The following CDH12 variants were observed in gnomAD, a reference collection of about 807,000 sequenced individuals.
CDH12 encodes cadherin 12.
Under a neutral mutation model 74.1 loss-of-function variants are expected in CDH12, and 41 were observed. The ratio of observed to expected loss-of-function variants is 0.55; its 90% CI spans 0.43 to 0.72. CDH12 has a LOEUF of 0.72. CDH12 is among the 30% of genes least tolerant of loss of function. CDH12 has a pLI of 0.00. For missense variants in CDH12, 945 were observed against 977.2 expected (o/e 0.97, Z 0.44); for synonymous variants, 399 against 355.0 (o/e 1.12, Z -1.39).
intron 1 of CDH12, among the ~76,000 whole-genome samples, chr5:22,543,904 CTT>C (rs879533290): frequency 6.8e-6 from 1 of 146,992 alleles, no homozygotes; most frequent in Non-Finnish European, 1.5e-5. Flanking sequence ...TTGTCATTTT[CTT>C]TTTTTTTTTC....
At chr5:22,041,257 G>C (rs1580156834) in intron 5 of CDH12, among the ~76,000 whole-genome samples, 1 of 151,886 alleles carries the variant, frequency 6.6e-6, no homozygotes, top group Admixed American at 6.6e-5. Flanking sequence ...CAAGAGCGGG[G>C]AAAAAAGGAT....
chr5:22,153,180 TTTC>T (rs1208763071), intron 4 of CDH12, among the ~76,000 whole-genome samples: 1 of 122,356 alleles, frequency 8.2e-6, no homozygotes. Flanking sequence ...GTTTTTTTCT[TTTC>T]TTTTTTTTTT....
At chr5:22,391,584 T>C (rs900898068) in intron 3 of CDH12, among the ~76,000 whole-genome samples, 9 of 152,286 alleles carry the variant, frequency 5.9e-5, no homozygotes, top group African/African-American at 1.7e-4. Flanking sequence ...TTTATAAATA[T>C]ATGCTAAATA....
intron 1 of CDH12, among the ~76,000 whole-genome samples, chr5:22,551,983 TTG>T (rs1466433551): frequency 9.2e-5 from 10 of 108,268 alleles, no homozygotes; most frequent in Admixed American, 2.9e-4. Context: ...TTTCCTATTG[TTG>T]TTTTTTGGCA....
Position 22,727,702 on chromosome 5 carries a change from T to C in CDH12, c.-523+125356A>G, listed in dbSNP as rs149019221. Among the ~76,000 whole-genome samples, 4 of 151,864 alleles carry C rather than the reference T, an allele frequency of 2.6e-5. No homozygotes were observed. In the East Asian group the frequency reaches 7.7e-4, roughly 29 times the overall value. On this transcript the variant is annotated intron_variant, in intron 1 of 14. Coordinates refer to ENST00000382254, the MANE Select transcript of CDH12 (RefSeq NM_004061.5). ...TGATTTCACTTTTATTCTTGGAGGA[T>C]ATTTTAGGTAAAGGAATTCTAGGTT...
chr5:22,594,283 G>C lies in CDH12; in HGVS notation c.-522-88919C>G, dbSNP rs543344007. Reference sequence around the variant, plus strand: ...CTGGGACTTGGGCTTCTCAAAGACAGCATGCCTGTGATGGGTATGGCTCAC... The same window carrying C: ...CTGGGACTTGGGCTTCTCAAAGACACCATGCCTGTGATGGGTATGGCTCAC... On this transcript the variant is annotated intron_variant, in intron 1 of 14. Coordinates refer to ENST00000382254, the MANE Select transcript of CDH12 (RefSeq NM_004061.5). Among the ~76,000 whole-genome samples the C allele has an allele frequency of 2.0e-5, 3 of 152,280 alleles. No homozygotes were observed. In the East Asian group the frequency reaches 5.8e-4, roughly 29 times the overall value.
intron 11 of CDH12, among the ~76,000 whole-genome samples, chr5:21,780,783 C>A (rs562696894): frequency 2.6e-5 from 4 of 152,216 alleles, no homozygotes; most frequent in African/African-American, 9.6e-5. Flanking sequence ...TATTATTTCT[C>A]AAAGATCTTA....
At chr5:22,268,308 T>G (rs1250653890) in intron 3 of CDH12, among the ~76,000 whole-genome samples, 1 of 152,098 alleles carries the variant, frequency 6.6e-6, no homozygotes, top group Non-Finnish European at 1.5e-5. Context: ...TATACCCTCT[T>G]GGACATATAT....
At position 22,315,102 on chromosome 5, in the gene CDH12, C is replaced by T. The variant is rs1277393314; in HGVS notation, c.-333+90155G>A. On this transcript the variant is annotated intron_variant, in intron 3 of 14. Coordinates refer to ENST00000382254, the MANE Select transcript of CDH12 (RefSeq NM_004061.5). ...CAGTAGCCAGGACTACAGGCGCCTG[C>T]CACCGTGCCTGCCTGGCTTTTTTTT... 4.1e-5 allele frequency among the ~76,000 whole-genome samples: 5 copies of T among 121,262 alleles called. 1 individual carries two copies. The highest frequency in any genetic ancestry group is 1.3e-4 in the African/African-American group (4 of 31,076). The allele number at this position is 121,262 out of a possible 152,430, so 79.6% of individuals were successfully genotyped here.
At chr5:21,845,052 T>G (rs928890083) in intron 7 of CDH12, among the ~76,000 whole-genome samples, 5 of 150,196 alleles carry the variant, frequency 3.3e-5, no homozygotes, top group African/African-American at 1.2e-4. Context: ...TAGATGAGAT[T>G]GATATGCTTT....
chr5:22,099,704 T>C (rs1744025498), intron 4 of CDH12, among the ~76,000 whole-genome samples: 2 of 152,228 alleles, frequency 1.3e-5, no homozygotes, highest in Admixed American at 6.5e-5. Flanking sequence ...CTCCTGGTGC[T>C]ACCCCCAAAC....
At chr5:21,924,609 T>A (rs1020223865) in intron 6 of CDH12, among the ~76,000 whole-genome samples, 2 of 152,218 alleles carry the variant, frequency 1.3e-5, no homozygotes, top group South Asian at 4.1e-4. Context: ...TTCTAGTAAG[T>A]CTCAAAACTT....
At chr5:21,985,781 C>T (rs1757492392) in intron 5 of CDH12, among the ~76,000 whole-genome samples, 1 of 152,078 alleles carries the variant, frequency 6.6e-6, no homozygotes, top group South Asian at 2.1e-4. Flanking sequence ...AGCTCAAGAA[C>T]ATCATAGTGG....
intron 3 of CDH12, chr5:22,213,627 T>G (rs1364597402): frequency 6.6e-6 from 1 of 152,190 alleles, no homozygotes; most frequent in Non-Finnish European, 1.5e-5. Flanking sequence ...ATCAAGTTCC[T>G]AGTTCCCTGA....
intron 1 of CDH12, among the ~76,000 whole-genome samples, chr5:22,779,017 A>T (rs1437812930): frequency 6.6e-6 from 1 of 152,158 alleles, no homozygotes; most frequent in Non-Finnish European, 1.5e-5. Context: ...TAATATAGAA[A>T]ATGTATGTTT....
chr5:21,960,956 G>A (rs1008951900), intron 6 of CDH12, among the ~76,000 whole-genome samples: 4 of 151,848 alleles, frequency 2.6e-5, no homozygotes, highest in South Asian at 2.1e-4. Context: ...TTTAATGGCC[G>A]AGACTACATA....
intron 1 of CDH12, among the ~76,000 whole-genome samples, chr5:22,776,219 T>C (rs1404359308): frequency 1.3e-5 from 2 of 152,108 alleles, no homozygotes; most frequent in Non-Finnish European, 2.9e-5. Flanking sequence ...CATAGTAAAC[T>C]TGCACACCCA....
At chr5:21,792,358 T>A (rs190055206) in intron 10 of CDH12, among the ~76,000 whole-genome samples, 7 of 152,012 alleles carry the variant, frequency 4.6e-5, no homozygotes, top group Admixed American at 2.6e-4. Context: ...TTAAAAGTTG[T>A]ATCTTAAATG....
chr5:22,373,455 C>A (rs138014600), intron 3 of CDH12, among the ~76,000 whole-genome samples: 41 of 152,300 alleles, frequency 2.7e-4, no homozygotes, highest in African/African-American at 8.4e-4. Context: ...TACCAGCATC[C>A]AAGCAAGCCA....
Sources: gnomAD v4.1 joint callset for allele counts (sites outside exome capture counted in the v4.1 genomes callset) on GRCh38, gnomAD v4.1.1 for gene constraint, MANE v1.5 for transcripts, NCBI Gene and HGNC (gene_info 2026-07-23, HGNC 2026-07-21) for gene names.